Variants in SPECC1L observed in about 807,000 individuals in gnomAD.
SPECC1L encodes cytospin-A.
In SPECC1L, 40 loss-of-function variants were observed where a neutral mutation model predicts 116.8. The observed-to-expected ratio is 0.34, with a 90% CI of 0.27 to 0.45. The LOEUF (loss-of-function observed/expected upper bound fraction) is 0.45, where lower values mean the gene tolerates loss of function less well. SPECC1L is among the 20% of genes least tolerant of loss of function. The pLI is 1.00. For missense variants in SPECC1L, 1,110 were observed against 1,373.6 expected (o/e 0.81, Z 3.03); for synonymous variants, 504 against 500.6 (o/e 1.01, Z -0.09).
chr22:24,320,105 C>G (rs1414624329), intron 4 of SPECC1L, among the ~76,000 whole-genome samples: 3 of 152,126 alleles, frequency 2.0e-5, no homozygotes, highest in Non-Finnish European at 4.4e-5. Context: ...GAAACCCTAT[C>G]TCTACTAAAA....
At chr22:24,338,683 A>C (rs113934566) in intron 10 of SPECC1L, among the ~76,000 whole-genome samples, 45 of 152,376 alleles carry the variant, frequency 3.0e-4, no homozygotes, top group African/African-American at 8.7e-4. Context: ...GATAGACTCT[A>C]ATAATGATGG....
chr22:24,401,819 G>A (rs747257442), intron 14 of SPECC1L, among the ~76,000 whole-genome samples: 6 of 152,088 alleles, frequency 3.9e-5, no homozygotes, highest in Non-Finnish European at 7.3e-5. Context: ...GCCCTGACTC[G>A]TTCACACCAC....
intron 9 of SPECC1L, among the ~76,000 whole-genome samples, chr22:24,338,135 A>T (rs1392546383): frequency 1.3e-5 from 2 of 152,192 alleles, no homozygotes; most frequent in Non-Finnish European, 2.9e-5. Context: ...ACAAAAACGA[A>T]ATGACTGCCA....
At chr22:24,381,681 G>T (rs1453916090) in intron 14 of SPECC1L, among the ~76,000 whole-genome samples, 2 of 152,064 alleles carry the variant, frequency 1.3e-5, no homozygotes, top group Non-Finnish European at 2.9e-5. Flanking sequence ...TCAGGAGATC[G>T]AGACCATCCT....
chr22:24,344,357 T>A (rs2041245790), intron 10 of SPECC1L, among the ~76,000 whole-genome samples: 1 of 151,448 alleles, frequency 6.6e-6, no homozygotes, highest in Admixed American at 6.6e-5. Context: ...AAAAAAAACA[T>A]TAATCTCAAC....
chr22:24,369,392 G>T lies in SPECC1L; in HGVS notation c.3087+72G>T, dbSNP rs559727969. ...CTGCTGGAGTGTCGTAGCTTACTAC[G>T]TGTCACACATTAGAAATGATAAGTC... On this transcript the variant is annotated intron_variant, in intron 14 of 16. Coordinates refer to ENST00000314328, the MANE Select transcript of SPECC1L (RefSeq NM_015330.6). 15 of 1,061,974 alleles carry T rather than the reference G, an allele frequency of 1.4e-5. No individual in the cohort carries two copies. The East Asian group carries it at 2.4e-4, about 17-fold the overall frequency. The allele number at this position is 1,061,974 out of a possible 1,614,324, so 65.8% of individuals were successfully genotyped here. A position where few individuals can be genotyped will look rare whatever the true frequency, so the allele number is the denominator to read the frequency against.
intron 10 of SPECC1L, among the ~76,000 whole-genome samples, chr22:24,341,449 A>G (rs906570332): frequency 2.0e-5 from 3 of 152,236 alleles, no homozygotes; most frequent in Non-Finnish European, 4.4e-5. Flanking sequence ...GATGGCATTC[A>G]TTATAGACTC....
chr22:24,316,274 T>TTTTTTTTATTTA (rs140237449), intron 4 of SPECC1L, among the ~76,000 whole-genome samples: 4 of 149,120 alleles, frequency 2.7e-5, no homozygotes, highest in African/African-American at 7.4e-5. Context: ...CAGATTTTCT[T>TTTTTTTTATTTA]TTTATTTATT....
chr22:24,316,264 C>G (rs562912367), intron 4 of SPECC1L, among the ~76,000 whole-genome samples: 1 of 146,530 alleles, frequency 6.8e-6, no homozygotes, highest in African/African-American at 2.6e-5. Flanking sequence ...CAAACATGAA[C>G]AGATTTTCTT....
intron 2 of SPECC1L, among the ~76,000 whole-genome samples, chr22:24,281,032 G>C (rs2048933039): frequency 6.6e-6 from 1 of 152,210 alleles, no homozygotes; most frequent in South Asian, 2.1e-4. Context: ...AGGAAGCAGA[G>C]AGGACTGGTT....
intron 7 of SPECC1L, 25 bp downstream of exon 7, chr22:24,328,944 C>T (rs1470731079): frequency 6.4e-7 from 1 of 1,568,352 alleles, no homozygotes; most frequent in Admixed American, 1.7e-5. Context: ...CATGTATTGT[C>T]TTGTTAGAAA....
In SPECC1L at chr22:24,414,679, G is replaced by A. The variant is rs201044437; in HGVS notation, c.*56G>A. On this transcript the variant is annotated 3_prime_UTR_variant, in exon 17 of 17. Transcript: ENST00000314328. ...GGGTACCCCTCCACAGCGACCGAGC[G>A]ACACCGACGCCATTAGCTACGCACC... 22 of 1,490,182 alleles carry A rather than the reference G, an allele frequency of 1.5e-5. No individual in the cohort carries two copies. Among genetic ancestry groups the A allele is most frequent in the Non-Finnish European group, 2.0e-5 (21 of 1,071,716 alleles). The allele number at this position is 1,490,182 out of a possible 1,614,324, so 92.3% of individuals were successfully genotyped here.
intron 11 of SPECC1L, among the ~76,000 whole-genome samples, chr22:24,350,703 T>C (rs976793719): frequency 2.6e-5 from 4 of 152,170 alleles, no homozygotes; most frequent in African/African-American, 9.7e-5. Flanking sequence ...AACCAGGAAT[T>C]CAGGAACGTT....
At position 24,414,725 on chromosome 22, in the gene SPECC1L, T is replaced by A; in HGVS notation, c.*102T>A. The A allele has an allele frequency of 9.9e-7, 1 of 1,009,508 alleles. No individual in the cohort carries two copies. The highest frequency in any genetic ancestry group is 1.5e-6 in the Non-Finnish European group (1 of 657,678). The allele number at this position is 1,009,508 out of a possible 1,614,324, so 62.5% of individuals were successfully genotyped here. A position where few individuals can be genotyped will look rare whatever the true frequency, so the allele number is the denominator to read the frequency against. On this transcript the variant is annotated 3_prime_UTR_variant, in exon 17 of 17. Coordinates refer to ENST00000314328, the MANE Select transcript of SPECC1L (RefSeq NM_015330.6). The stretch of plus-strand genomic sequence containing the variant: ...GCACCCCTGTAAAGCTTCCAGCAAC[T>A]CTGGGCTGCCCCACAGCGTGTGAGC...
intron 2 of SPECC1L, among the ~76,000 whole-genome samples, chr22:24,293,527 A>G (rs2049198147): frequency 1.3e-5 from 2 of 152,202 alleles, no homozygotes; most frequent in Admixed American, 6.5e-5. Flanking sequence ...ACTTGAAAAT[A>G]TTAGATAACC....
intron 2 of SPECC1L, among the ~76,000 whole-genome samples, chr22:24,295,340 AAG>A (rs1205641689): frequency 1.3e-5 from 2 of 150,500 alleles, no homozygotes; most frequent in African/African-American, 4.9e-5. Flanking sequence ...TTGTTTTAAA[AAG>A]TAATTTTAAT....
intron 3 of SPECC1L, 100 bp downstream of exon 3, chr22:24,302,484 T>A: frequency 6.8e-7 from 1 of 1,478,678 alleles, no homozygotes. Flanking sequence ...GTGTGCCCTC[T>A]TCTGGTGCTG....
chr22:24,319,967 C>T lies in SPECC1L; in HGVS notation c.308-1321C>T, dbSNP rs112196509. ...ATTCCTGGCCAGGTGCGGTGGCTCA[C>T]GCCTGTAAGTGCGGTGGCTCACGCC... is the stretch of plus-strand genomic sequence containing the variant. On this transcript the variant is annotated intron_variant, in intron 4 of 16. Transcript: ENST00000314328. Among the ~76,000 whole-genome samples the T allele has an allele frequency of 2.7e-3, 414 of 152,280 alleles. 3 individuals carry two copies. Among genetic ancestry groups the T allele is most frequent in the African/African-American group, 9.2e-3 (383 of 41,572 alleles).
rs763858645 is a variant in SPECC1L, at chr22:24,321,573, A to C, written c.593A>C (p.Glu198Ala). Reference protein sequence around the residue: ...LLTLAKTKDVEILHLRNELRD... With the variant: ...LLTLAKTKDVAILHLRNELRD... ...ACGCTGGCAAAAACCAAAGACGTAG[A>C]AATTTTACATTTGAGAAATGAACTG... The change falls in exon 5 of 17, where the codon GAA (glutamate) becomes GCA (alanine). Residue 198 changes from glutamate to alanine, a missense_variant. Transcript: ENST00000314328. 6 of 1,614,134 alleles carry C rather than the reference A, an allele frequency of 3.7e-6. No individual in the cohort carries two copies. In the South Asian group the frequency reaches 6.6e-5, roughly 18 times the overall value.
Sources: gnomAD v4.1 joint callset for allele counts (sites outside exome capture counted in the v4.1 genomes callset) on GRCh38, gnomAD v4.1.1 for gene constraint, MANE v1.5 for transcripts, NCBI Gene and HGNC (gene_info 2026-07-23, HGNC 2026-07-21) for gene names.